MKKS: variants seen among roughly 807,000 people sequenced by gnomAD.
The protein encoded by MKKS is MKKS centrosomal shuttling protein, also known as molecular chaperone MKKS.
Under a neutral mutation model 33.2 loss-of-function variants are expected in MKKS, and 29 were observed. The ratio of observed to expected loss-of-function variants is 0.87; its 90% CI spans 0.65 to 1.19. The LOEUF (loss-of-function observed/expected upper bound fraction) is 1.19. MKKS is among the 50% of genes most tolerant of loss of function. The pLI is 0.00. For synonymous variants in MKKS, 260 were observed against 244.0 expected, an observed-to-expected ratio of 1.07 and a Z score of -0.61; for missense variants, 661 against 662.3, an observed-to-expected ratio of 1.00 and a Z score of 0.02.
At chr20:10,431,456 A>G (rs2065053155) in intron 1 of MKKS, among the ~76,000 whole-genome samples, 1 of 152,006 alleles carries the variant, frequency 6.6e-6, no homozygotes, top group Non-Finnish European at 1.5e-5. Context: ...CTTGTCCTCA[A>G]GGAGAATACA....
chr20:10,405,352 G>A lies in MKKS; in HGVS notation c.1608C>T (p.Asn536=). ...TTGCAGTCAAACAGTCCAAGGTCAG[G>A]TTGCTGGCTGAGCCCACAGCTTCAT... ...LPHEAVGSAS[N]LTLDCLTAKL... is the part of the protein sequence containing the mutation. The change falls in exon 6 of 6, where the codon AAC becomes AAT. Residue 536 remains asparagine, a synonymous_variant. Coordinates refer to ENST00000347364, the MANE Select transcript of MKKS (RefSeq NM_170784.3). 9 of 1,614,176 alleles carry A rather than the reference G, an allele frequency of 5.6e-6. No individual in the cohort carries two copies. Among genetic ancestry groups the A allele is most frequent in the Non-Finnish European group, 7.6e-6 (9 of 1,180,034 alleles).
intron 1 of MKKS, among the ~76,000 whole-genome samples, chr20:10,428,211 A>AGTTGTT (rs2065029293): frequency 6.6e-6 from 1 of 152,198 alleles, no homozygotes; most frequent in Admixed American, 6.5e-5. Flanking sequence ...GTTGTCTGAG[A>AGTTGTT]ATCCTGTCCC....
intron 2 of MKKS, among the ~76,000 whole-genome samples, chr20:10,416,391 G>A (rs1293814202): frequency 1.3e-5 from 2 of 152,010 alleles, no homozygotes; most frequent in East Asian, 3.9e-4. Context: ...TGTTATTAAA[G>A]ACTACGTGGG....
At chr20:10,421,497 A>G (rs2064980480) in intron 1 of MKKS, among the ~76,000 whole-genome samples, 1 of 152,116 alleles carries the variant, frequency 6.6e-6, no homozygotes, top group Non-Finnish European at 1.5e-5. Flanking sequence ...TGCAGTAAGA[A>G]TTTAGGTTCT....
In MKKS at chr20:10,428,774, G is replaced by A. The variant is rs1294326922; in HGVS notation, c.-649+5334C>T. On this transcript the variant is annotated intron_variant, in intron 1 of 5. Coordinates refer to ENST00000347364, the MANE Select transcript of MKKS (RefSeq NM_170784.3). ...GAATCGCTTGAATCCAGGAGGCAGA[G>A]GTTACATTACAGTGAGTCGAGATCG... Among the ~76,000 whole-genome samples the A allele has an allele frequency of 3.7e-4, 57 of 152,188 alleles. 1 individual carries two copies. Among genetic ancestry groups the A allele is most frequent in the Admixed American group, 3.7e-3 (57 of 15,284 alleles).
rs562320835 is a variant in MKKS at position 10,422,034 on chromosome 20, G to A, written c.-648-1276C>T. Among the ~76,000 whole-genome samples the A allele has an allele frequency of 2.5e-3, 384 of 152,120 alleles. 2 individuals carry two copies. The highest frequency in any genetic ancestry group is 9.0e-3 in the African/African-American group (373 of 41,520). On this transcript the variant is annotated intron_variant, in intron 1 of 5. Transcript: ENST00000347364. ...ATGCCATTAGAAAAAGGTCTGAAAAGAATTTCTTATTCCCCCTTTTAAGAC... is the reference window on the plus strand; with the variant it reads ...ATGCCATTAGAAAAAGGTCTGAAAAAAATTTCTTATTCCCCCTTTTAAGAC...
chr20:10,419,854 T>C (rs2064967333), intron 2 of MKKS, among the ~76,000 whole-genome samples: 1 of 152,204 alleles, frequency 6.6e-6, no homozygotes, highest in Non-Finnish European at 1.5e-5. Context: ...TGTTTATTTC[T>C]GGAATTTTCT....
Position 10,407,642 on chromosome 20 carries a change from G to T in MKKS, c.1246C>A (p.His416Asn), listed in dbSNP as rs148800011. The T allele has an allele frequency of 1.2e-5, 20 of 1,613,820 alleles. No homozygotes were observed. In the African/African-American group the frequency reaches 2.5e-4, roughly 20 times the overall value. Residue 416 changes from histidine (H) to asparagine (N), a missense_variant, in exon 5 of 6, where the codon CAT becomes AAT. By Grantham distance (68) the His-to-Asn change is moderately conservative (BLOSUM62 1). Coordinates refer to ENST00000347364, the MANE Select transcript of MKKS (RefSeq NM_170784.3). ...TTGTGTCTGATATATGCAGCCAAAT[G>T]AGTTTCAGTACAGCCACCTCCCAAC... Reference protein sequence around the residue: ...ALLGGGCTETHLAAYIRHKTH... With the variant: ...ALLGGGCTETNLAAYIRHKTH...
At chr20:10,409,444 A>G (rs949005725) in intron 3 of MKKS, among the ~76,000 whole-genome samples, 1 of 152,204 alleles carries the variant, frequency 6.6e-6, no homozygotes, top group Non-Finnish European at 1.5e-5. Flanking sequence ...GTGAAGTTTT[A>G]TAAACCACAA....
At position 10,412,606 on chromosome 20, in the gene MKKS, C is replaced by T; in HGVS notation, c.909G>A (p.Gln303=). 6.2e-7 allele frequency: 1 copy of T among 1,614,128 alleles called. No individual in the cohort carries two copies. Among genetic ancestry groups the T allele is most frequent in the South Asian group, 1.1e-5 (1 of 91,086 alleles). ...CAATAATACGATGCATATTGAGAAA[C>T]TGCTTCAAAGATGGATGTATAACTT... The part of the protein sequence containing the change: ...CQKVIHPSLK[Q]FLNMHRIIAI... Residue 303 remains glutamine, a synonymous_variant, in exon 3 of 6, where the codon CAG becomes CAA. Coordinates refer to ENST00000347364, the MANE Select transcript of MKKS (RefSeq NM_170784.3).
intron 3 of MKKS, among the ~76,000 whole-genome samples, chr20:10,410,360 G>C (rs1325341696): frequency 1.3e-5 from 2 of 152,196 alleles, no homozygotes; most frequent in Non-Finnish European, 2.9e-5. Context: ...GCCGGGCGTG[G>C]TGGCTCATGC....
Position 10,405,182 on chromosome 20 carries a change from A to C in MKKS, c.*65T>G, listed in dbSNP as rs1209616888. ...TTTGGGAGAAAACAAATACACTCAC[A>C]ATTTTTCTCAATTGCCAACAGACTA... On this transcript the variant is annotated 3_prime_UTR_variant, in exon 6 of 6. Transcript: ENST00000347364. 4.5e-6 allele frequency: 6 copies of C among 1,329,220 alleles called. No individual in the cohort carries two copies. Among genetic ancestry groups the C allele is most frequent in the East Asian group, 2.5e-5 (1 of 40,096 alleles). The allele number at this position is 1,329,220 out of a possible 1,614,324, so 82.3% of individuals were successfully genotyped here.
At chr20:10,411,900 C>A (rs2064890640) in intron 3 of MKKS, among the ~76,000 whole-genome samples, 1 of 152,106 alleles carries the variant, frequency 6.6e-6, no homozygotes, top group Non-Finnish European at 1.5e-5. Flanking sequence ...GAATTTTTTG[C>A]CTATTTTAGT....
At position 10,412,674 on chromosome 20, in the gene MKKS, T is replaced by C; in HGVS notation, c.841A>G (p.Arg281Gly). The change falls in exon 3 of 6, where the codon AGG becomes GGG. Residue 281 changes from arginine to glycine, a missense_variant. Transcript: ENST00000347364. The stretch of plus-strand genomic sequence containing the variant: ...TCTACGTGGTCACTGATTAGCTGCC[T>C]TCCTAGGTTAAGCAGCTGGTCCAAG... ...AVLDQLLNLG[R>G]QLISDHVDLV... 4 of 1,614,164 alleles carry C rather than the reference T, an allele frequency of 2.5e-6. No individual in the cohort carries two copies. Among genetic ancestry groups the C allele is most frequent in the Non-Finnish European group, 2.5e-6 (3 of 1,180,016 alleles).
rs2064834666 is a variant in MKKS at position 10,405,378 on chromosome 20, G to A, written c.1582C>T (p.His528Tyr). 6.2e-7 allele frequency: 1 copy of A among 1,614,208 alleles called. No individual in the cohort carries two copies. Among genetic ancestry groups the A allele is most frequent in the East Asian group, 2.2e-5 (1 of 44,878 alleles). The change falls in exon 6 of 6, where the codon CAT becomes TAT. Residue 528 changes from histidine (H) to tyrosine (Y), a missense_variant. Coordinates refer to ENST00000347364, the MANE Select transcript of MKKS (RefSeq NM_170784.3). ...TTGCTGGCTGAGCCCACAGCTTCAT[G>A]TGGAAGGCAGCTTTGTGGCACAAAT... ...RPFVPQSCLP[H>Y]EAVGSASNLT...
chr20:10,419,677 A>C (rs905311035), intron 2 of MKKS, among the ~76,000 whole-genome samples: 44 of 152,350 alleles, frequency 2.9e-4, no homozygotes, highest in African/African-American at 1.0e-3. Context: ...TTACCTGAAC[A>C]TAAGCGCGGA....
At chr20:10,422,242 G>C (rs191383509) in intron 1 of MKKS, among the ~76,000 whole-genome samples, 276 of 152,080 alleles carry the variant, frequency 1.8e-3, no homozygotes, top group African/African-American at 6.2e-3. Context: ...TTAATTACTA[G>C]ATAGAGGAAA....
In MKKS at chr20:10,405,203, G is replaced by T. The variant is rs1239121764; in HGVS notation, c.*44C>A. 7.4e-6 allele frequency: 11 copies of T among 1,487,418 alleles called. No homozygotes were observed. The highest frequency in any genetic ancestry group is 1.0e-5 in the Non-Finnish European group (11 of 1,088,478). 92.1% of individuals were successfully genotyped at this position (1,487,418 alleles called of 1,614,324 possible). A position where few individuals can be genotyped will look rare whatever the true frequency, so the allele number is the denominator to read the frequency against. ...TCACAATTTTTCTCAATTGCCAACAGACTAGTTTATTTGTTTCTCTTGTAA... is the reference window on the plus strand; with the variant it reads ...TCACAATTTTTCTCAATTGCCAACATACTAGTTTATTTGTTTCTCTTGTAA... On this transcript the variant is annotated 3_prime_UTR_variant, in exon 6 of 6. Transcript: ENST00000347364.
At chr20:10,432,712 C>CT (rs2065062046) in intron 1 of MKKS, among the ~76,000 whole-genome samples, 1 of 143,062 alleles carries the variant, frequency 7.0e-6, no homozygotes, top group African/African-American at 2.6e-5. Flanking sequence ...GGGAGAATTG[C>CT]TTGAACCCGG....
Sources: gnomAD v4.1 joint callset for allele counts (sites outside exome capture counted in the v4.1 genomes callset) on GRCh38, gnomAD v4.1.1 for gene constraint, MANE v1.5 for transcripts, NCBI Gene and HGNC (gene_info 2026-07-23, HGNC 2026-07-21) for gene names.